The following SMC3 variants were observed in gnomAD, a reference collection of about 807,000 sequenced individuals.
SMC3 encodes structural maintenance of chromosomes 3, also known as structural maintenance of chromosomes protein 3.
In SMC3, 20 loss-of-function variants were observed where a neutral mutation model predicts 171.8. The observed-to-expected ratio is 0.12, with a 90% CI of 0.08 to 0.17. The LOEUF (loss-of-function observed/expected upper bound fraction) is 0.17. Ranked by LOEUF, SMC3 falls within the 10% of genes least tolerant of loss-of-function variation. SMC3 has a pLI of 1.00. For synonymous variants in SMC3, 464 were observed against 451.1 expected (o/e 1.03, Z -0.36); for missense variants, 543 against 1,420.4 (o/e 0.38, Z 9.93).
At position 110,601,866 on chromosome 10, in the gene SMC3, G is replaced by C. The variant is rs1253674855; in HGVS notation, c.2874G>C (p.Gln958His). Residue 958 changes from glutamine to histidine, a missense_variant, in exon 24 of 29, where the codon CAG becomes CAC. Coordinates refer to ENST00000361804, the MANE Select transcript of SMC3 (RefSeq NM_005445.4). ...CCCAGGAAGCATTTGAAAAGTACCAGACACTGAGCCTCAAACAGGTTGGTT... is the reference window on the plus strand; with the variant it reads ...CCCAGGAAGCATTTGAAAAGTACCACACACTGAGCCTCAAACAGGTTGGTT... ...SLPQEAFEKYQTLSLKQLFRK... is the reference protein window; with the variant it reads ...SLPQEAFEKYHTLSLKQLFRK... 2 of 1,613,998 alleles carry C rather than the reference G, an allele frequency of 1.2e-6. No individual in the cohort carries two copies. Among genetic ancestry groups the C allele is most frequent in the Non-Finnish European group, 1.7e-6 (2 of 1,179,942 alleles).
At position 110,602,848 on chromosome 10, in the gene SMC3, T is replaced by C. The variant is rs184870066; in HGVS notation, c.3321T>C (p.Gly1107=). 14 of 1,613,958 alleles carry C rather than the reference T, an allele frequency of 8.7e-6. No individual in the cohort carries two copies. The East Asian group carries it at 2.9e-4, about 33-fold the overall frequency. ...AGGTGTCATTTACAGGAAAACAAGGTGAAATGAGAGAAATGCAACAGCTTT... is the reference window on the plus strand; with the variant it reads ...AGGTGTCATTTACAGGAAAACAAGGCGAAATGAGAGAAATGCAACAGCTTT... ...GIRVSFTGKQ[G]EMREMQQLSG... The change falls in exon 27 of 29, where the codon GGT becomes GGC. Residue 1107 remains glycine, a synonymous_variant. Coordinates refer to ENST00000361804, the MANE Select transcript of SMC3 (RefSeq NM_005445.4).
chr10:110,590,286 G>T (rs112860421), intron 15 of SMC3, 126 bp from the exon 16 acceptor site: 10 of 813,868 alleles, frequency 1.2e-5, no homozygotes, highest in African/African-American at 1.0e-4. Flanking sequence ...TGATGTGTTT[G>T]TTGGAGAGGA....
chr10:110,569,071 T>G (rs1448655469), intron 2 of SMC3, 58 bp downstream of exon 2: 7 of 1,075,098 alleles, frequency 6.5e-6, no homozygotes, highest in Admixed American at 1.7e-5. Context: ...ATGTAAATTC[T>G]GTCCATTTCT....
intron 13 of SMC3, among the ~76,000 whole-genome samples, chr10:110,588,014 C>T (rs1861150553): frequency 6.6e-6 from 1 of 152,258 alleles, no homozygotes; most frequent in African/African-American, 2.4e-5. Flanking sequence ...TTTTTTGAGA[C>T]AGAGTCTCGC....
intron 4 of SMC3, among the ~76,000 whole-genome samples, chr10:110,576,854 G>A (rs936617807): frequency 6.6e-6 from 1 of 152,096 alleles, no homozygotes; most frequent in African/African-American, 2.4e-5. Context: ...TGGTTTAAAT[G>A]TGACACATGT....
intron 5 of SMC3, 47 bp downstream of exon 5, chr10:110,577,539 A>C: frequency 7.5e-7 from 1 of 1,335,538 alleles, no homozygotes; most frequent in Non-Finnish European, 1.1e-6. Context: ...TAATTGGTTT[A>C]GCTGATTTTC....
chr10:110,585,627 A>C (rs994460723), intron 13 of SMC3, among the ~76,000 whole-genome samples: 1 of 151,162 alleles, frequency 6.6e-6, no homozygotes, highest in African/African-American at 2.4e-5. Flanking sequence ...TTGGTATTCC[A>C]GCATCTTATG....
At chr10:110,593,038 T>G in intron 17 of SMC3, 35 bp from the exon 18 acceptor site, 2 of 1,560,742 alleles carry the variant, frequency 1.3e-6, no homozygotes, top group Non-Finnish European at 1.8e-6. Flanking sequence ...GTTAACTGTG[T>G]TGTGATCTCT....
Position 110,606,020 on chromosome 10 carries a change from CAAT to C in SMC3, c.*1721_*1723del, listed in dbSNP as rs375073401. 4.8e-3 allele frequency among the ~76,000 whole-genome samples: 734 copies of C among 152,246 alleles called. 7 individuals carry two copies. The highest frequency in any genetic ancestry group is 0.016 in the African/African-American group (658 of 41,552). Reference sequence around the variant, plus strand: ...TAATGAAATGCCAGTAAATTTATAACAATAAAGCATCTAAATAATGAAACAAAA... The same window carrying C: ...TAATGAAATGCCAGTAAATTTATAACAAAGCATCTAAATAATGAAACAAAA... On this transcript the variant is annotated 3_prime_UTR_variant, in exon 29 of 29. Transcript: ENST00000361804.
chr10:110,581,900 CCT>C (rs1564789870), intron 8 of SMC3, 21 bp from the exon 9 acceptor site: 7 of 1,597,066 alleles, frequency 4.4e-6, no homozygotes, highest in East Asian at 2.2e-5. Context: ...AATTCTTCCA[CCT>C]CTCTCCCCAT....
At chr10:110,568,215 C>T in intron 1 of SMC3, 1 of 320,882 alleles carries the variant, frequency 3.1e-6, no homozygotes, top group South Asian at 4.0e-5. Context: ...CAGGGGTGGC[C>T]TCACACGGCC....
In SMC3 at chr10:110,599,809, G is replaced by A; in HGVS notation, c.2424G>A (p.Gln808=). The A allele has an allele frequency of 6.2e-7, 1 of 1,614,040 alleles. No homozygotes were observed. The highest frequency in any genetic ancestry group is 8.5e-7 in the Non-Finnish European group (1 of 1,179,946). ...DALNDEIRQL[Q]QENRQLLNER... is the part of the protein sequence containing the mutation. ...TGAATGATGAGATTCGTCAACTTCA[G>A]CAGGTAAGTAGACAGCTGACTGGAA... is the stretch of plus-strand genomic sequence containing the variant. Residue 808 remains glutamine, a synonymous_variant, in exon 21 of 29, where the codon CAG becomes CAA. Coordinates refer to ENST00000361804, the MANE Select transcript of SMC3 (RefSeq NM_005445.4).
At chr10:110,584,440 A>T (rs981589626) in intron 13 of SMC3, 44 bp downstream of exon 13, 3 of 1,397,904 alleles carry the variant, frequency 2.1e-6, no homozygotes, top group African/African-American at 2.9e-5. Flanking sequence ...TTCAGAAGAG[A>T]TAAATGTGTT....
chr10:110,572,208 A>G (rs1171887823), intron 2 of SMC3, among the ~76,000 whole-genome samples: 4 of 152,160 alleles, frequency 2.6e-5, no homozygotes, highest in African/African-American at 9.7e-5. Context: ...TATTTACACC[A>G]TGGTCCTTTA....
intron 18 of SMC3, among the ~76,000 whole-genome samples, chr10:110,595,706 A>G (rs573775895): frequency 1.2e-3 from 180 of 150,384 alleles, no homozygotes; most frequent in African/African-American, 4.3e-3. Flanking sequence ...AGAGTCTCCA[A>G]TTTTCATTTT....
rs1564795276 is a variant in SMC3 at position 110,599,602 on chromosome 10, ATAAG to A, written c.2269-48_2269-45del. The A allele has an allele frequency of 2.7e-5, 40 of 1,498,150 alleles. No individual in the cohort carries two copies. The South Asian group carries it at 4.0e-4, about 15-fold the overall frequency. 92.8% of individuals were successfully genotyped at this position (1,498,150 alleles called of 1,614,324 possible). On this transcript the variant is annotated intron_variant, in intron 20 of 28. Transcript: ENST00000361804. ...TATAGATTGTTTTAAAATTTTCACT[ATAAG>A]TAATACAGTGGCTAATACCTTACTA...
At chr10:110,596,277 TTTAAA>T in intron 18 of SMC3, 116 bp from the exon 19 acceptor site, 1 of 913,500 alleles carries the variant, frequency 1.1e-6, no homozygotes, top group Non-Finnish European at 1.6e-6. Context: ...TTCAGGGTGG[TTTAAA>T]TTACTTTCAA....
intron 13 of SMC3, among the ~76,000 whole-genome samples, chr10:110,586,399 A>T (rs1458984239): frequency 3.3e-5 from 5 of 152,180 alleles, no homozygotes; most frequent in African/African-American, 1.2e-4. Context: ...GCAGTTCTTT[A>T]TATGGTTAGT....
Position 110,604,651 on chromosome 10 carries a change from G to C in SMC3, c.*349G>C. 3.9e-6 allele frequency: 1 copy of C among 258,992 alleles called. No individual in the cohort carries two copies. The highest frequency in any genetic ancestry group is 7.5e-6 in the Non-Finnish European group (1 of 133,338). The allele number at this position is 258,992 out of a possible 1,614,324, so 16.0% of individuals were successfully genotyped here. A position where few individuals can be genotyped will look rare whatever the true frequency, so the allele number is the denominator to read the frequency against. ...TATGACTAATATAGTGTTTTATGTG[G>C]CTTTTCATTTGTCATAGTCTCTTCC... On this transcript the variant is annotated 3_prime_UTR_variant, in exon 29 of 29. Transcript: ENST00000361804.
Sources: gnomAD v4.1 joint callset for allele counts (sites outside exome capture counted in the v4.1 genomes callset) on GRCh38, gnomAD v4.1.1 for gene constraint, MANE v1.5 for transcripts, NCBI Gene and HGNC (gene_info 2026-07-23, HGNC 2026-07-21) for gene names.